The following INSC variants were observed in gnomAD, a reference collection of about 807,000 sequenced individuals.
INSC encodes INSC spindle orientation adaptor protein.
INSC carries 67 observed loss-of-function variants against 58.6 expected under a neutral mutation model. The observed-to-expected ratio is 1.14, with a 90% confidence interval of 0.94 to 1.40. The LOEUF is 1.40. Ranked by LOEUF, INSC falls within the 40% of genes most tolerant of loss-of-function variation. The pLI is 0.00. For synonymous variants in INSC, 262 were observed against 276.1 expected (o/e 0.95, Z 0.51); for missense variants, 714 against 692.0 (o/e 1.03, Z -0.36).
chr11:15,220,861 G>T (rs1017240142), intron 7 of INSC, among the ~76,000 whole-genome samples: 1 of 152,204 alleles, frequency 6.6e-6, no homozygotes, highest in Non-Finnish European at 1.5e-5. Context: ...GGCACAGAAA[G>T]CAAGGCCACC....
chr11:15,112,425 G>GC (rs781279254), upstream of INSC: 2 of 1,494,712 alleles, frequency 1.3e-6, no homozygotes, highest in African/African-American at 2.8e-5. Flanking sequence ...GTTCACAGGG[G>GC]CCTCTGTAAG....
chr11:15,136,551 T>C (rs180877696), intron 1 of INSC, among the ~76,000 whole-genome samples: 1 of 152,324 alleles, frequency 6.6e-6, no homozygotes, highest in East Asian at 1.9e-4. Context: ...CACTGCTTTA[T>C]TAACTAAATT....
At chr11:15,188,281 C>T in intron 5 of INSC, 1 of 985,460 alleles carries the variant, frequency 1.0e-6, no homozygotes. Flanking sequence ...GCAAAACTTG[C>T]TAATGAGGCT....
intron 12 of INSC, among the ~76,000 whole-genome samples, chr11:15,240,724 T>C (rs1852317620): frequency 6.6e-6 from 1 of 152,190 alleles, no homozygotes; most frequent in South Asian, 2.1e-4. Context: ...TATGAGGTCA[T>C]ATGTGTGAAA....
At chr11:15,211,062 G>A (rs989653813) in intron 7 of INSC, among the ~76,000 whole-genome samples, 2 of 152,082 alleles carry the variant, frequency 1.3e-5, no homozygotes, top group African/African-American at 4.8e-5. Context: ...TAAGAAAAGG[G>A]GAAGAGACTT....
At chr11:15,186,921 G>T (rs1415597710) in intron 5 of INSC, among the ~76,000 whole-genome samples, 1 of 152,074 alleles carries the variant, frequency 6.6e-6, no homozygotes, top group Non-Finnish European at 1.5e-5. Context: ...ATGATTTTAA[G>T]GGTCAGTAAT....
chr11:15,217,833 T>G (rs1446833470), intron 7 of INSC, among the ~76,000 whole-genome samples: 1 of 152,194 alleles, frequency 6.6e-6, no homozygotes, highest in Non-Finnish European at 1.5e-5. Flanking sequence ...CAGGTTAAAA[T>G]ACAATTTTTG....
intron 10 of INSC, 86 bp from the exon 11 acceptor site, chr11:15,238,833 G>A: frequency 7.1e-7 from 1 of 1,417,438 alleles, no homozygotes; most frequent in Non-Finnish European, 9.7e-7. Flanking sequence ...GCCTTTGCTT[G>A]CACCCTGCAG....
intron 6 of INSC, among the ~76,000 whole-genome samples, chr11:15,194,352 C>T (rs1268461010): frequency 2.0e-5 from 3 of 152,148 alleles, no homozygotes; most frequent in Admixed American, 6.5e-5. Context: ...AGTGCCCACT[C>T]GGTATCGCAG....
intron 9 of INSC, among the ~76,000 whole-genome samples, chr11:15,230,802 C>T (rs553500027): frequency 6.6e-6 from 1 of 152,334 alleles, no homozygotes; most frequent in South Asian, 2.1e-4. Context: ...AGCCCTTCAG[C>T]CTGTTTGCCA....
At chr11:15,213,089 C>G (rs369474308) in intron 7 of INSC, among the ~76,000 whole-genome samples, 28 of 151,922 alleles carry the variant, frequency 1.8e-4, no homozygotes, top group African/African-American at 6.5e-4. Flanking sequence ...TTACAGATAT[C>G]TCTAGAACAG....
At chr11:15,117,758 G>A (rs545807675) in intron 1 of INSC, among the ~76,000 whole-genome samples, 1 of 152,262 alleles carries the variant, frequency 6.6e-6, no homozygotes, top group Non-Finnish European at 1.5e-5. Context: ...ATGTCATCTG[G>A]TTTTCAACTC....
chr11:15,240,600 C>T, intron 12 of INSC, 77 bp downstream of exon 12: 1 of 1,211,188 alleles, frequency 8.3e-7, no homozygotes, highest in Non-Finnish European at 1.2e-6. Context: ...ACCGGCTGTG[C>T]TGTGGCTGGC....
At chr11:15,215,719 C>G (rs1851191467) in intron 7 of INSC, among the ~76,000 whole-genome samples, 1 of 152,092 alleles carries the variant, frequency 6.6e-6, no homozygotes, top group African/African-American at 2.4e-5. Context: ...CTCAAATCTG[C>G]TTGGGGAATG....
chr11:15,165,756 G>C (rs1408541596), intron 2 of INSC, among the ~76,000 whole-genome samples: 1 of 152,172 alleles, frequency 6.6e-6, no homozygotes, highest in African/African-American at 2.4e-5. Context: ...AGCCATGCTG[G>C]GTGGACATGG....
chr11:15,124,317 A>G (rs7106712), intron 1 of INSC, among the ~76,000 whole-genome samples: 87,155 of 151,606 alleles, frequency 0.57, 25,180 homozygotes, highest in Admixed American at 0.6. Flanking sequence ...AGCAGGAAGA[A>G]TGGGAGACCA....
intron 1 of INSC, among the ~76,000 whole-genome samples, chr11:15,125,921 G>A (rs898967755): frequency 5.9e-5 from 9 of 152,172 alleles, no homozygotes; most frequent in African/African-American, 1.9e-4. Context: ...TTTAAGCTGA[G>A]TCTTGACAGG....
At position 15,190,795 on chromosome 11, in the gene INSC, T is replaced by G. The variant is rs1016686440; in HGVS notation, c.674T>G (p.Leu225Trp). ...LFSLTQEGAPLCRIIAKEGGV... is the reference protein window; with the variant it reads ...LFSLTQEGAPWCRIIAKEGGV... ...AGCCTGACCCAGGAGGGGGCTCCCT[T>G]GTGCCGCATCATAGCCAAGGTGAGC... Residue 225 changes from leucine to tryptophan, a missense_variant, in exon 6 of 13, where the codon TTG becomes TGG. By Grantham distance (61) the Leu-to-Trp change is moderately conservative (BLOSUM62 -2). Coordinates refer to ENST00000379556, the MANE Select transcript of INSC (RefSeq NM_001042536.3). 2 of 1,613,394 alleles carry G rather than the reference T, an allele frequency of 1.2e-6. No homozygotes were observed. The highest frequency in any genetic ancestry group is 2.2e-5 in the South Asian group (2 of 91,070).
At chr11:15,161,822 G>A (rs1373328464) in intron 2 of INSC, among the ~76,000 whole-genome samples, 1 of 152,128 alleles carries the variant, frequency 6.6e-6, no homozygotes, top group Non-Finnish European at 1.5e-5. Context: ...TGAAGACATC[G>A]AAAAATTTGA....
Sources: allele counts gnomAD v4.1 joint callset (sites outside exome capture counted in the v4.1 genomes callset), GRCh38; gene constraint gnomAD v4.1.1; transcripts MANE v1.5; gene names NCBI Gene and HGNC (gene_info 2026-07-23, HGNC 2026-07-21).